The following MTMR4 variants were observed in gnomAD, a reference collection of about 807,000 sequenced individuals.
The protein encoded by MTMR4 is phosphatidylinositol-3,5-bisphosphate 3-phosphatase MTMR4.
Under a neutral mutation model 125.5 loss-of-function variants are expected in MTMR4, and 30 were observed. That is an observed-to-expected ratio of 0.24 (90% CI 0.18 to 0.32). The LOEUF (loss-of-function observed/expected upper bound fraction) is 0.32, where lower values mean the gene tolerates loss of function less well. Among genes scored for constraint, MTMR4 ranks in the 10% least tolerant of loss-of-function variants. The pLI, the probability that MTMR4 is intolerant of heterozygous loss-of-function variation, is 1.00. For missense variants in MTMR4, 1,039 were observed against 1,511.5 expected (o/e 0.69, Z 5.18); for synonymous variants, 498 against 564.5 (o/e 0.88, Z 1.67).
intron 14 of MTMR4, among the ~76,000 whole-genome samples, chr17:58,502,572 T>G: frequency 6.6e-6 from 1 of 150,464 alleles, no homozygotes; most frequent in East Asian, 1.9e-4. Flanking sequence ...TCTGGTTATA[T>G]AAATTGTGGA....
At position 58,503,637 on chromosome 17, in the gene MTMR4, G is replaced by A. The variant is rs1460074009; in HGVS notation, c.1853+107C>T. On this transcript the variant is annotated intron_variant, in intron 14 of 17. Transcript: ENST00000682306. ...GGCACTCCACCCTGGGCGACAAAGT[G>A]AGATTCCGTCTCAAAAAAAAGAAAG... 5.0e-6 allele frequency: 7 copies of A among 1,386,916 alleles called. No individual in the cohort carries two copies. The East Asian group carries it at 7.3e-5, about 14-fold the overall frequency. 85.9% of individuals were successfully genotyped at this position (1,386,916 alleles called of 1,614,324 possible).
At chr17:58,513,068 G>A in intron 1 of MTMR4, 127 bp from the exon 2 acceptor site, 2 of 724,016 alleles carry the variant, frequency 2.8e-6, no homozygotes, top group Non-Finnish European at 2.4e-6. Context: ...CTGGTCACCA[G>A]AGAAGGGAAA....
At chr17:58,499,779 C>T (rs1021033323) in intron 14 of MTMR4, among the ~76,000 whole-genome samples, 29 of 149,020 alleles carry the variant, frequency 1.9e-4, no homozygotes, top group South Asian at 8.9e-4. Flanking sequence ...CCTGCCACCA[C>T]GCCCGGCTAA....
intron 13 of MTMR4, 69 bp downstream of exon 13, chr17:58,503,981 C>T (rs1372964588): frequency 2.6e-5 from 40 of 1,547,218 alleles, no homozygotes; most frequent in Non-Finnish European, 2.3e-5. Flanking sequence ...CTACATTTTC[C>T]CTACTGACTC....
intron 15 of MTMR4, 76 bp from the exon 16 acceptor site, chr17:58,493,028 G>T: frequency 1.7e-6 from 2 of 1,151,464 alleles, no homozygotes; most frequent in Non-Finnish European, 2.6e-6. Context: ...CAGGCACTGT[G>T]CTAAGTGCAT....
chr17:58,497,697 G>A (rs988366213), intron 14 of MTMR4, among the ~76,000 whole-genome samples: 2 of 152,168 alleles, frequency 1.3e-5, no homozygotes, highest in African/African-American at 4.8e-5. Flanking sequence ...CTTGAGAAAT[G>A]AATGAATGAG....
chr17:58,516,636 A>C (rs1256811541), upstream of MTMR4: 2 of 1,612,290 alleles, frequency 1.2e-6, no homozygotes, highest in African/African-American at 2.7e-5. Flanking sequence ...GAGACAGAGG[A>C]ACATAAAAGT....
intron 14 of MTMR4, among the ~76,000 whole-genome samples, chr17:58,499,282 C>A (rs1975556059): frequency 6.6e-6 from 1 of 150,532 alleles, no homozygotes; most frequent in South Asian, 2.1e-4. Context: ...TGCAGTGGCT[C>A]ACACCTATAA....
At chr17:58,515,377 G>C (rs1976060452), upstream of MTMR4, among the ~76,000 whole-genome samples, 1 of 152,186 alleles carries the variant, frequency 6.6e-6, no homozygotes, top group African/African-American at 2.4e-5. Context: ...AGAGGGAGGT[G>C]GCTGGAACCC....
intron 3 of MTMR4, 73 bp from the exon 4 acceptor site, chr17:58,511,584 C>G: frequency 7.9e-7 from 1 of 1,270,820 alleles, no homozygotes. Context: ...CTAGCGTAGG[C>G]ACTAATGTAT....
At chr17:58,501,121 T>G (rs1975613591) in intron 14 of MTMR4, among the ~76,000 whole-genome samples, 1 of 152,216 alleles carries the variant, frequency 6.6e-6, no homozygotes, top group Non-Finnish European at 1.5e-5. Context: ...AATGACTTAG[T>G]TCAAAAGACC....
Position 58,491,458 on chromosome 17 carries a change from C to T in MTMR4, c.*205G>A. ...CCTGGGTCTGGGTTAGGACCATTACCCCAAGGTGAGGGTATCACCAGTAGA... is the reference window on the plus strand; with the variant it reads ...CCTGGGTCTGGGTTAGGACCATTACTCCAAGGTGAGGGTATCACCAGTAGA... On this transcript the variant is annotated 3_prime_UTR_variant, in exon 18 of 18. Transcript: ENST00000682306. The T allele has an allele frequency of 2.1e-6, 1 of 474,056 alleles. No individual in the cohort carries two copies. The highest frequency in any genetic ancestry group is 2.9e-5 in the South Asian group (1 of 34,624). The allele number at this position is 474,056 out of a possible 1,614,324, so 29.4% of individuals were successfully genotyped here.
intron 4 of MTMR4, among the ~76,000 whole-genome samples, chr17:58,509,651 C>T (rs1975875274): frequency 6.6e-6 from 1 of 151,990 alleles, no homozygotes; most frequent in Admixed American, 6.6e-5. Context: ...AACTCCTGGG[C>T]TCAAGCGATC....
At chr17:58,507,024 G>A in intron 8 of MTMR4, 99 bp downstream of exon 8, 2 of 1,566,846 alleles carry the variant, frequency 1.3e-6, no homozygotes, top group African/African-American at 2.7e-5. Flanking sequence ...CACCCCGTGT[G>A]TTGTCATCTT....
At chr17:58,507,358 G>A (rs945011158) in intron 7 of MTMR4, 39 bp from the exon 8 acceptor site, 15 of 1,588,162 alleles carry the variant, frequency 9.4e-6, no homozygotes, top group African/African-American at 4.0e-5. Flanking sequence ...CTTGGCATTC[G>A]AAGCCTCCAG....
In MTMR4 at chr17:58,491,243, G is replaced by A. The variant is rs780099299; in HGVS notation, c.*420C>T. ...CAAATAGGACAGGAATTCCTACCTT[G>A]TATACTATAATCTGCTTTTGTCAAG... On this transcript the variant is annotated 3_prime_UTR_variant, in exon 18 of 18. Transcript: ENST00000682306. 1 of 155,964 alleles carries A rather than the reference G, an allele frequency of 6.4e-6. No homozygotes were observed. 9.7% of individuals were successfully genotyped at this position (155,964 alleles called of 1,614,324 possible).
chr17:58,505,062 A>C, intron 10 of MTMR4, 88 bp from the exon 11 acceptor site: 1 of 1,307,670 alleles, frequency 7.6e-7, no homozygotes, highest in Non-Finnish European at 1.0e-6. Context: ...CCACCCAACA[A>C]AGTCCCCATT....
At chr17:58,493,656 G>A (rs966926621) in intron 15 of MTMR4, among the ~76,000 whole-genome samples, 3 of 152,084 alleles carry the variant, frequency 2.0e-5, no homozygotes, top group South Asian at 2.1e-4. Flanking sequence ...GCCTGGCTAC[G>A]GCTGCTTTTG....
At chr17:58,516,527 A>G (rs1976089272), upstream of MTMR4, 1 of 1,605,126 alleles carries the variant, frequency 6.2e-7, no homozygotes, top group Non-Finnish European at 8.5e-7. Context: ...TCACAGAGAA[A>G]GACACATGGA....
Sources: allele counts gnomAD v4.1 joint callset (sites outside exome capture counted in the v4.1 genomes callset), GRCh38; gene constraint gnomAD v4.1.1; transcripts MANE v1.5; gene names NCBI Gene and HGNC (gene_info 2026-07-23, HGNC 2026-07-21).